The following IFT81 variants were observed in gnomAD, a reference collection of about 807,000 sequenced individuals.
IFT81 encodes intraflagellar transport protein 81 homolog.
IFT81 carries 72 observed loss-of-function variants against 102.6 expected under a neutral mutation model. The ratio of observed to expected loss-of-function variants is 0.70; its 90% confidence interval spans 0.58 to 0.85. The LOEUF (loss-of-function observed/expected upper bound fraction) is 0.85, where lower values mean the gene tolerates loss of function less well. IFT81 is among the 40% of genes least tolerant of loss of function. IFT81 has a pLI of 0.00. For missense variants in IFT81, 723 were observed against 787.3 expected (o/e 0.92, Z 0.98); for synonymous variants, 237 against 242.7 (o/e 0.98, Z 0.22).
rs534726005 is a variant in IFT81 at position 110,190,927 on chromosome 12, T to C, written c.1346T>C (p.Met449Thr). ...TTTATTTTTTACTTATAGCAAACTA[T>C]GGAGGAGAAAAAGGGTATATCTGGA... ...HENIQQQLQT[M>T]EEKKGISGYS... Residue 449 changes from methionine to threonine, a missense_variant, in exon 13 of 19, where the codon ATG (methionine) becomes ACG (threonine). Transcript: ENST00000242591. 1.5e-5 allele frequency: 24 copies of C among 1,552,468 alleles called. No individual in the cohort carries two copies. Among genetic ancestry groups the C allele is most frequent in the Middle Eastern group, 1.7e-4 (1 of 5,812 alleles).
At chr12:110,199,059 T>C (rs186738615) in intron 14 of IFT81, among the ~76,000 whole-genome samples, 1 of 152,266 alleles carries the variant, frequency 6.6e-6, no homozygotes, top group African/African-American at 2.4e-5. Context: ...TCCGGCCACC[T>C]CCGCCTCCCG....
At chr12:110,130,789 CAT>C (rs977848882) in intron 4 of IFT81, among the ~76,000 whole-genome samples, 1 of 151,242 alleles carries the variant, frequency 6.6e-6, no homozygotes. Context: ...TATACATATA[CAT>C]ATATATATAA....
chr12:110,203,707 A>G, intron 14 of IFT81, 157 bp from the exon 15 acceptor site: 1 of 650,410 alleles, frequency 1.5e-6, no homozygotes, highest in Non-Finnish European at 2.8e-6. Flanking sequence ...TTCATCTATC[A>G]TAATTCTCAA....
chr12:110,208,805 A>G (rs1350697711), intron 17 of IFT81, among the ~76,000 whole-genome samples: 1 of 152,206 alleles, frequency 6.6e-6, no homozygotes, highest in East Asian at 1.9e-4. Flanking sequence ...ATGCTACTTA[A>G]TGTTTATTTA....
chr12:110,136,742 C>T (rs1262264203), intron 7 of IFT81, 34 bp from the exon 8 acceptor site: 1 of 1,345,426 alleles, frequency 7.4e-7, no homozygotes, highest in Middle Eastern at 1.8e-4. Context: ...CTTCAGTAGA[C>T]TAAGCAAGTA....
At chr12:110,168,483 C>T (rs1045016339) in intron 11 of IFT81, 7 of 965,814 alleles carry the variant, frequency 7.2e-6, no homozygotes, top group East Asian at 2.3e-4. Flanking sequence ...CTGTTACTAA[C>T]GCAGCTTTAA....
intron 10 of IFT81, among the ~76,000 whole-genome samples, chr12:110,153,368 G>A (rs1315197517): frequency 6.6e-6 from 1 of 151,248 alleles, no homozygotes; most frequent in Non-Finnish European, 1.5e-5. Context: ...CCAAGTAGCT[G>A]GGATTACAGG....
chr12:110,163,861 G>A (rs1297334673), intron 11 of IFT81, among the ~76,000 whole-genome samples: 13 of 151,696 alleles, frequency 8.6e-5, no homozygotes, highest in African/African-American at 2.4e-4. Flanking sequence ...TGATCTGCCC[G>A]CCTCGGCCTC....
chr12:110,192,913 G>C (rs1897858749), intron 14 of IFT81, among the ~76,000 whole-genome samples: 1 of 152,120 alleles, frequency 6.6e-6, no homozygotes, highest in Non-Finnish European at 1.5e-5. Context: ...TGTAATCCCA[G>C]CACTTTGGGA....
intron 11 of IFT81, chr12:110,172,045 A>T (rs796921518): frequency 3.3e-5 from 5 of 152,330 alleles, no homozygotes; most frequent in African/African-American, 1.2e-4. Flanking sequence ...TTGAAGACAA[A>T]AGTGTTCATT....
intron 14 of IFT81, among the ~76,000 whole-genome samples, chr12:110,202,620 T>A (rs1898349930): frequency 6.6e-6 from 1 of 151,790 alleles, no homozygotes; most frequent in Non-Finnish European, 1.5e-5. Flanking sequence ...GCCCAGCTAA[T>A]TTTTTTGTAT....
Position 110,218,330 on chromosome 12 carries a change from C to A in IFT81, c.*104C>A. ...ACTGATTTGTATAGCATTTTGTTTT[C>A]AGAAGAGCCATTCTTTATTAAGTTT... On this transcript the variant is annotated 3_prime_UTR_variant, in exon 19 of 19. Coordinates refer to ENST00000242591, the MANE Select transcript of IFT81 (RefSeq NM_014055.4). 1 of 764,566 alleles carries A rather than the reference C, an allele frequency of 1.3e-6. No individual in the cohort carries two copies. Among genetic ancestry groups the A allele is most frequent in the South Asian group, 3.8e-5 (1 of 26,646 alleles). The allele number at this position is 764,566 out of a possible 1,614,324, so 47.4% of individuals were successfully genotyped here. A position where few individuals can be genotyped will look rare whatever the true frequency, so the allele number is the denominator to read the frequency against.
In IFT81 at chr12:110,162,849, G is replaced by A. The variant is rs571373960; in HGVS notation, c.1042-70G>A. 2.2e-6 allele frequency: 3 copies of A among 1,341,660 alleles called. No homozygotes were observed. The African/African-American group carries it at 4.5e-5, about 20-fold the overall frequency. The allele number at this position is 1,341,660 out of a possible 1,614,324, so 83.1% of individuals were successfully genotyped here. On this transcript the variant is annotated intron_variant, in intron 10 of 18. Transcript: ENST00000242591. Reference sequence around the variant, plus strand: ...ATAACTTGGTAAAATCTAAAAAATAGATAATTTCACAAGATAATAGAAAGT... The same window carrying A: ...ATAACTTGGTAAAATCTAAAAAATAAATAATTTCACAAGATAATAGAAAGT...
chr12:110,193,007 A>T (rs1042241259), intron 14 of IFT81, among the ~76,000 whole-genome samples: 40 of 152,054 alleles, frequency 2.6e-4, no homozygotes, highest in African/African-American at 9.4e-4. Context: ...TACAAAAAAT[A>T]AAAAAATTAG....
chr12:110,201,568 C>A (rs1425346030), intron 14 of IFT81, among the ~76,000 whole-genome samples: 1 of 151,954 alleles, frequency 6.6e-6, no homozygotes, highest in African/African-American at 2.4e-5. Flanking sequence ...GTAGCTGGGA[C>A]CACAGGCACA....
At chr12:110,142,474 C>CT (rs1566112925) in intron 8 of IFT81, among the ~76,000 whole-genome samples, 2 of 152,090 alleles carry the variant, frequency 1.3e-5, no homozygotes, top group South Asian at 2.1e-4. Flanking sequence ...GCCTGTTACT[C>CT]TTTTTTAGAT....
intron 8 of IFT81, among the ~76,000 whole-genome samples, chr12:110,141,823 G>T (rs570189149): frequency 6.6e-6 from 1 of 152,168 alleles, no homozygotes; most frequent in Non-Finnish European, 1.5e-5. Context: ...GACAGAGGAT[G>T]CAGTGAACCC....
chr12:110,176,908 A>G (rs981767786), intron 11 of IFT81, among the ~76,000 whole-genome samples: 3 of 152,230 alleles, frequency 2.0e-5, no homozygotes, highest in Non-Finnish European at 4.4e-5. Context: ...AGAAGGGGAA[A>G]ATTGGCCTCT....
At chr12:110,175,014 T>C (rs981817318) in intron 11 of IFT81, among the ~76,000 whole-genome samples, 10 of 152,266 alleles carry the variant, frequency 6.6e-5, no homozygotes, top group Non-Finnish European at 1.5e-4. Context: ...GCATCTAAAA[T>C]GATAGCTGCT....
Sources: gnomAD v4.1 joint callset for allele counts (sites outside exome capture counted in the v4.1 genomes callset) on GRCh38, gnomAD v4.1.1 for gene constraint, MANE v1.5 for transcripts, NCBI Gene and HGNC (gene_info 2026-07-23, HGNC 2026-07-21) for gene names.